Variants in DOCK1 observed in about 807,000 individuals in gnomAD.
DOCK1 encodes dedicator of cytokinesis 1.
DOCK1 carries 138 observed loss-of-function variants against 262.7 expected under a neutral mutation model. The observed-to-expected ratio is 0.53, with a 90% CI of 0.46 to 0.61. DOCK1 has a LOEUF of 0.61. DOCK1 is among the 20% of genes least tolerant of loss of function. The pLI is 0.00. For missense variants in DOCK1, 1,908 were observed against 2,370.7 expected, an observed-to-expected ratio of 0.80 and a Z score of 4.05; for synonymous variants, 866 against 867.4, an observed-to-expected ratio of 1.00 and a Z score of 0.03.
At chr10:127,047,392 C>T (rs906939431) in intron 21 of DOCK1, among the ~76,000 whole-genome samples, 19 of 152,174 alleles carry the variant, frequency 1.2e-4, no homozygotes, top group African/African-American at 4.3e-4. Context: ...TATAATGCTA[C>T]ATATTGGAGA....
At chr10:127,213,949 C>T (rs1252060261) in intron 27 of DOCK1, among the ~76,000 whole-genome samples, 2 of 152,202 alleles carry the variant, frequency 1.3e-5, no homozygotes, top group African/African-American at 4.8e-5. Flanking sequence ...ACGCCATTCT[C>T]CTGCCTCAGC....
At chr10:126,934,700 G>T (rs992163414) in intron 1 of DOCK1, among the ~76,000 whole-genome samples, 4 of 148,328 alleles carry the variant, frequency 2.7e-5, no homozygotes, top group Non-Finnish European at 4.4e-5. Flanking sequence ...CTAACTTTGT[G>T]CATGGCTTGC....
intron 50 of DOCK1, among the ~76,000 whole-genome samples, chr10:127,444,632 A>C (rs3818781): frequency 2.0e-5 from 3 of 151,974 alleles, no homozygotes; most frequent in Non-Finnish European, 4.4e-5. Flanking sequence ...AGGACTGTGC[A>C]CTGGAGAAGC....
chr10:127,390,384 G>C (rs6482844), intron 38 of DOCK1, among the ~76,000 whole-genome samples: 74,172 of 152,036 alleles, frequency 0.49, 18,541 homozygotes, highest in African/African-American at 0.58. Context: ...GGGCTGAGTT[G>C]CATCCCCCCA....
chr10:127,028,321 G>A (rs575008805), intron 16 of DOCK1, among the ~76,000 whole-genome samples: 3 of 152,236 alleles, frequency 2.0e-5, no homozygotes, highest in South Asian at 2.1e-4. Context: ...CTTGGTGGCC[G>A]AAGCTGTAGG....
chr10:127,389,657 G>T (rs1364779610), intron 38 of DOCK1, among the ~76,000 whole-genome samples: 1 of 152,092 alleles, frequency 6.6e-6, no homozygotes, highest in Non-Finnish European at 1.5e-5. Context: ...CATAAGGGTG[G>T]ATTTCCTCCT....
chr10:127,283,274 T>C (rs2061027158), intron 29 of DOCK1, among the ~76,000 whole-genome samples: 1 of 152,210 alleles, frequency 6.6e-6, no homozygotes, highest in Admixed American at 6.5e-5. Flanking sequence ...TTGCTGGAAG[T>C]AGCAGGTCAG....
chr10:127,135,072 A>G (rs1250046967), intron 27 of DOCK1, among the ~76,000 whole-genome samples: 5 of 152,204 alleles, frequency 3.3e-5, no homozygotes, highest in South Asian at 4.1e-4. Flanking sequence ...CAAGATTTAC[A>G]TGCCACAGTG....
At position 127,031,718 on chromosome 10, in the gene DOCK1, C is replaced by T. The variant is rs756936020; in HGVS notation, c.1693C>T (p.Leu565=). ...VKLMRYDGTT[L]RDGEHDLIVY... ...GCTGATGAGATACGATGGTACCACC[C>T]TGCGAGACGGAGAGCACGATCTTAT... Residue 565 remains leucine, a synonymous_variant, in exon 17 of 52, where the codon CTG becomes TTG. Coordinates refer to ENST00000623213, the MANE Select transcript of DOCK1 (RefSeq NM_001290223.2). The T allele has an allele frequency of 1.2e-5, 20 of 1,613,230 alleles. No individual in the cohort carries two copies. The African/African-American group carries it at 2.7e-4, about 22-fold the overall frequency.
intron 27 of DOCK1, among the ~76,000 whole-genome samples, chr10:127,227,890 G>A (rs191850789): frequency 5.9e-5 from 9 of 152,292 alleles, no homozygotes; most frequent in Admixed American, 3.9e-4. Context: ...CCAAATCTTA[G>A]GGTGGCATTA....
chr10:127,182,154 C>A (rs2055798831), intron 27 of DOCK1, among the ~76,000 whole-genome samples: 1 of 152,062 alleles, frequency 6.6e-6, no homozygotes, highest in African/African-American at 2.4e-5. Flanking sequence ...TGCAGTGAAA[C>A]CTCTGTCATT....
intron 27 of DOCK1, among the ~76,000 whole-genome samples, chr10:127,231,432 T>A (rs2058837042): frequency 1.3e-5 from 2 of 152,092 alleles, no homozygotes; most frequent in Non-Finnish European, 2.9e-5. Context: ...CTTTTTTTTT[T>A]ATTTTGAGGT....
chr10:127,214,918 A>G (rs1366315018), intron 27 of DOCK1, among the ~76,000 whole-genome samples: 3 of 152,254 alleles, frequency 2.0e-5, no homozygotes, highest in South Asian at 4.2e-4. Flanking sequence ...TGTAGTTTCT[A>G]TGTGATGGAA....
chr10:127,298,563 T>A (rs2061577293), intron 29 of DOCK1, among the ~76,000 whole-genome samples: 1 of 152,224 alleles, frequency 6.6e-6, no homozygotes, highest in African/African-American at 2.4e-5. Flanking sequence ...AGCATTTCTC[T>A]CTTTCCCAGC....
Position 127,110,291 on chromosome 10 carries a change from C to T in DOCK1, c.2560C>T (p.Leu854=). The T allele has an allele frequency of 6.2e-7, 1 of 1,613,672 alleles. No homozygotes were observed. Among genetic ancestry groups the T allele is most frequent in the Non-Finnish European group, 8.5e-7 (1 of 1,179,792 alleles). ...EFILNVPMGL[L]TIQKLYCLIE... ...CATCCTCAATGTTCCCATGGGCTTG[C>T]TGACCATCCAGAAACTCTACTGCTT... The change falls in exon 25 of 52, where the codon CTG becomes TTG. Residue 854 remains leucine (L), a synonymous_variant. Transcript: ENST00000623213.
chr10:127,262,173 G>T (rs867913719), intron 29 of DOCK1, among the ~76,000 whole-genome samples: 24 of 72,592 alleles, frequency 3.3e-4, no homozygotes, highest in East Asian at 1.2e-3. Flanking sequence ...TGTGCATGTG[G>T]GTGTGTGTGT....
At chr10:127,153,737 C>T in intron 27 of DOCK1, 1 of 778,398 alleles carries the variant, frequency 1.3e-6, no homozygotes. Context: ...TAAGGTCCTT[C>T]ACTTTTTGTC....
At chr10:127,235,546 G>A (rs2059016388) in intron 27 of DOCK1, among the ~76,000 whole-genome samples, 1 of 152,248 alleles carries the variant, frequency 6.6e-6, no homozygotes, top group Admixed American at 6.5e-5. Context: ...TAGGTGTTTG[G>A]AGTGTCCCCT....
chr10:127,047,510 C>T (rs2044427903), intron 21 of DOCK1, among the ~76,000 whole-genome samples: 2 of 152,138 alleles, frequency 1.3e-5, no homozygotes, highest in African/African-American at 2.4e-5. Context: ...TTTTTGCTTG[C>T]TTAAAATTTA....
Sources: allele counts gnomAD v4.1 joint callset (sites outside exome capture counted in the v4.1 genomes callset), GRCh38; gene constraint gnomAD v4.1.1; transcripts MANE v1.5; gene names NCBI Gene and HGNC (gene_info 2026-07-23, HGNC 2026-07-21).